The following GPC6 variants were observed in gnomAD, a reference collection of about 807,000 sequenced individuals.
GPC6 encodes glypican 6.
In GPC6, 14 loss-of-function variants were observed where a neutral mutation model predicts 55.2. The observed-to-expected ratio is 0.25, with a 90% CI of 0.17 to 0.40. The LOEUF (loss-of-function observed/expected upper bound fraction) is 0.40. Among genes scored for constraint, GPC6 ranks in the 10% least tolerant of loss-of-function variants. The probability of loss-of-function intolerance (pLI) is 1.00; values close to 1 mark genes in which losing one functional copy is unlikely to be tolerated. For synonymous variants in GPC6, 278 were observed against 259.6 expected (o/e 1.07, Z -0.68); for missense variants, 641 against 708.5 (o/e 0.90, Z 1.08).
intron 1 of GPC6, among the ~76,000 whole-genome samples, chr13:93,393,555 G>T (rs1875730200): frequency 6.6e-6 from 1 of 152,046 alleles, no homozygotes; most frequent in South Asian, 2.1e-4. Flanking sequence ...TAGTTTGCTT[G>T]TGATTAAATC....
chr13:93,761,182 A>G (rs1469448668), intron 2 of GPC6, among the ~76,000 whole-genome samples: 1 of 152,206 alleles, frequency 6.6e-6, no homozygotes, highest in Non-Finnish European at 1.5e-5. Flanking sequence ...ATGCTGTAGT[A>G]AAATTGTCAG....
intron 6 of GPC6, among the ~76,000 whole-genome samples, chr13:94,346,842 A>G (rs1878317227): frequency 6.6e-6 from 1 of 152,170 alleles, no homozygotes; most frequent in Admixed American, 6.5e-5. Flanking sequence ...ACTAAGCATG[A>G]AAACAAAAAT....
chr13:94,234,331 C>T (rs1890813024), intron 4 of GPC6, among the ~76,000 whole-genome samples: 1 of 152,090 alleles, frequency 6.6e-6, no homozygotes, highest in Admixed American at 6.5e-5. Flanking sequence ...TTTATTGTAT[C>T]TGTTGTATTA....
rs147708350 is a variant in GPC6, at chr13:93,802,678, G to C, written c.320-27476G>C. Among the ~76,000 whole-genome samples the C allele has an allele frequency of 1.1e-3, 173 of 152,202 alleles. 1 individual carries two copies. The highest frequency in any genetic ancestry group is 4.0e-3 in the African/African-American group (167 of 41,538). Reference sequence around the variant, plus strand: ...CCTCAGCCTCTCCAGAATTACAGTTGTGAGCCACCATGCTGGGGCTGAAAA... The same window carrying C: ...CCTCAGCCTCTCCAGAATTACAGTTCTGAGCCACCATGCTGGGGCTGAAAA... On this transcript the variant is annotated intron_variant, in intron 2 of 8. Coordinates refer to ENST00000377047, the MANE Select transcript of GPC6 (RefSeq NM_005708.5).
At chr13:94,068,620 T>C (rs1450017715) in intron 4 of GPC6, among the ~76,000 whole-genome samples, 1 of 152,222 alleles carries the variant, frequency 6.6e-6, no homozygotes. Flanking sequence ...AGTTAGTTAC[T>C]TCCTAGATAC....
At chr13:94,096,759 A>G (rs937334465) in intron 4 of GPC6, among the ~76,000 whole-genome samples, 1 of 152,200 alleles carries the variant, frequency 6.6e-6, no homozygotes, top group Non-Finnish European at 1.5e-5. Flanking sequence ...ATATATAGCC[A>G]TGTCTCTAGT....
At chr13:93,479,416 G>T (rs1879414748) in intron 1 of GPC6, among the ~76,000 whole-genome samples, 1 of 152,158 alleles carries the variant, frequency 6.6e-6, no homozygotes. Flanking sequence ...AGGATTGTAT[G>T]TAGCTACAGA....
At chr13:93,408,195 G>T (rs113729269) in intron 1 of GPC6, among the ~76,000 whole-genome samples, 16 of 152,160 alleles carry the variant, frequency 1.1e-4, no homozygotes, top group Non-Finnish European at 1.8e-4. Flanking sequence ...CTCACCTCTG[G>T]AAGAGTGAGT....
At chr13:93,412,003 A>C (rs1876515437) in intron 1 of GPC6, among the ~76,000 whole-genome samples, 1 of 95,268 alleles carries the variant, frequency 1.0e-5, no homozygotes, top group Non-Finnish European at 1.9e-5. Context: ...ACTATGTCTC[A>C]AAAAAAAAAA....
chr13:94,172,517 G>A (rs1028264459), intron 4 of GPC6, among the ~76,000 whole-genome samples: 1 of 152,170 alleles, frequency 6.6e-6, no homozygotes, highest in African/African-American at 2.4e-5. Flanking sequence ...AATTCTGCCT[G>A]ATACTTGCTT....
intron 2 of GPC6, among the ~76,000 whole-genome samples, chr13:93,564,404 G>A (rs1875980478): frequency 6.6e-6 from 1 of 152,066 alleles, no homozygotes; most frequent in Non-Finnish European, 1.5e-5. Context: ...GCAGCAATAA[G>A]AGAAAAGTCC....
chr13:93,254,709 A>T (rs956168388), intron 1 of GPC6, among the ~76,000 whole-genome samples: 6 of 149,478 alleles, frequency 4.0e-5, no homozygotes, highest in African/African-American at 1.5e-4. Flanking sequence ...GAATTATATA[A>T]AAAAAAAATA....
chr13:93,927,610 G>GA (rs1179556964), intron 3 of GPC6, among the ~76,000 whole-genome samples: 1 of 151,176 alleles, frequency 6.6e-6, no homozygotes, highest in Non-Finnish European at 1.5e-5. Flanking sequence ...ATCAAGATGA[G>GA]ATTGTGGATC....
chr13:93,934,988 C>T (rs980709482), intron 3 of GPC6, among the ~76,000 whole-genome samples: 1 of 152,130 alleles, frequency 6.6e-6, no homozygotes. Flanking sequence ...TATTTCATTC[C>T]TCTTTATGGG....
chr13:93,533,150 G>A (rs755055357), intron 1 of GPC6, among the ~76,000 whole-genome samples: 6 of 152,092 alleles, frequency 3.9e-5, no homozygotes, highest in Non-Finnish European at 7.4e-5. Context: ...GTGCTTATTT[G>A]GAGGTTTAGG....
intron 4 of GPC6, among the ~76,000 whole-genome samples, chr13:94,067,836 T>A (rs760250690): frequency 2.0e-5 from 3 of 152,144 alleles, no homozygotes; most frequent in Non-Finnish European, 4.4e-5. Context: ...ACTCATACAA[T>A]CCTCTGGTTT....
intron 2 of GPC6, among the ~76,000 whole-genome samples, chr13:93,557,614 TAAGAG>T (rs1875550083): frequency 6.6e-6 from 1 of 152,178 alleles, no homozygotes; most frequent in Admixed American, 6.5e-5. Flanking sequence ...AACCTTTTAC[TAAGAG>T]AAGTAGCTTC....
At chr13:93,370,169 T>C (rs1881400057) in intron 1 of GPC6, among the ~76,000 whole-genome samples, 1 of 152,098 alleles carries the variant, frequency 6.6e-6, no homozygotes, top group African/African-American at 2.4e-5. Context: ...AAACTCCTTT[T>C]AAAATTTTAA....
Position 94,180,333 on chromosome 13 carries a change from T to C in GPC6, c.878-106016T>C, listed in dbSNP as rs553480300. On this transcript the variant is annotated intron_variant, in intron 4 of 8. Coordinates refer to ENST00000377047, the MANE Select transcript of GPC6 (RefSeq NM_005708.5). ...TTGGTTTGAGGCCTTACCACATGTT[T>C]GGATCATGCTCTTCTGAATTGATAA... Among the ~76,000 whole-genome samples, 33 of 152,338 alleles carry C rather than the reference T, an allele frequency of 2.2e-4. 2 individuals carry two copies. Among genetic ancestry groups the C allele is most frequent in the East Asian group, 9.6e-4 (5 of 5,190 alleles).
Sources: gnomAD v4.1 joint callset for allele counts (sites outside exome capture counted in the v4.1 genomes callset) on GRCh38, gnomAD v4.1.1 for gene constraint, MANE v1.5 for transcripts, NCBI Gene and HGNC (gene_info 2026-07-23, HGNC 2026-07-21) for gene names.